GNAQ: variants seen among roughly 807,000 people sequenced by gnomAD.
GNAQ encodes the protein G protein subunit alpha q.
A neutral mutation model predicts 43.9 loss-of-function variants in GNAQ; 8 were observed. That is an observed-to-expected ratio of 0.18 (90% confidence interval 0.11 to 0.33). The LOEUF (loss-of-function observed/expected upper bound fraction) is 0.33, where lower values mean the gene tolerates loss of function less well. GNAQ is among the 10% of genes least tolerant of loss of function. The pLI is 1.00. For synonymous variants in GNAQ, 155 were observed against 170.7 expected, an observed-to-expected ratio of 0.91 and a Z score of 0.71; for missense variants, 158 against 450.8, an observed-to-expected ratio of 0.35 and a Z score of 5.88.
At chr9:77,955,000 C>A (rs765770264) in intron 1 of GNAQ, among the ~76,000 whole-genome samples, 1 of 152,184 alleles carries the variant, frequency 6.6e-6, no homozygotes, top group Non-Finnish European at 1.5e-5. Context: ...TCCTGCATAA[C>A]CACCGAATAG....
chr9:77,852,836 A>C (rs990238946), intron 2 of GNAQ, among the ~76,000 whole-genome samples: 1 of 151,974 alleles, frequency 6.6e-6, no homozygotes, highest in Non-Finnish European at 1.5e-5. Context: ...GAAGGACATT[A>C]CTCCTTCATC....
chr9:77,763,694 G>C (rs2118348396), intron 5 of GNAQ, among the ~76,000 whole-genome samples: 1 of 152,320 alleles, frequency 6.6e-6, no homozygotes, highest in Admixed American at 6.5e-5. Context: ...ATACGACTGA[G>C]CTGTACAAAC....
intron 1 of GNAQ, among the ~76,000 whole-genome samples, chr9:78,028,367 G>A (rs1320727712): frequency 1.3e-5 from 2 of 152,034 alleles, no homozygotes; most frequent in Non-Finnish European, 2.9e-5. Flanking sequence ...CATAGTTGCC[G>A]AATATAAATC....
At chr9:77,972,333 CA>C (rs1823246431) in intron 1 of GNAQ, among the ~76,000 whole-genome samples, 4 of 152,098 alleles carry the variant, frequency 2.6e-5, no homozygotes, top group Admixed American at 2.6e-4. Flanking sequence ...AGGGACACAA[CA>C]GTGAGTAAAA....
intron 3 of GNAQ, among the ~76,000 whole-genome samples, chr9:77,813,617 G>A (rs906138408): frequency 2.0e-5 from 3 of 152,170 alleles, no homozygotes; most frequent in African/African-American, 7.2e-5. Context: ...GTCCAATACA[G>A]GTGTCCTAGG....
chr9:77,890,434 C>T (rs899431716), intron 2 of GNAQ, among the ~76,000 whole-genome samples: 2 of 152,122 alleles, frequency 1.3e-5, no homozygotes, highest in African/African-American at 4.8e-5. Context: ...CATAAAACTG[C>T]ATTGCAAGGC....
chr9:77,767,197 G>C (rs1368259045), intron 5 of GNAQ, among the ~76,000 whole-genome samples: 3 of 152,248 alleles, frequency 2.0e-5, no homozygotes, highest in African/African-American at 7.2e-5. Flanking sequence ...TTCCCCCAAA[G>C]CAGGGTTTTT....
chr9:77,937,753 G>A lies in GNAQ; in HGVS notation c.137-15408C>T, dbSNP rs192020043. Among the ~76,000 whole-genome samples, 940 of 152,162 alleles carry A rather than the reference G, an allele frequency of 6.2e-3. 4 individuals are homozygous for A. The highest frequency in any genetic ancestry group is 0.021 in the African/African-American group (881 of 41,524). ...ACTAAAAATACAAAATCAGCCAGGC[G>A]TGGTGGGGCATGCCTGTAGTCCCAG... On this transcript the variant is annotated intron_variant, in intron 1 of 6. Coordinates refer to ENST00000286548, the MANE Select transcript of GNAQ (RefSeq NM_002072.5).
chr9:77,812,653 T>C lies in GNAQ; in HGVS notation c.476+2963A>G, dbSNP rs141297719. 8.1e-3 allele frequency among the ~76,000 whole-genome samples: 1,233 copies of C among 152,124 alleles called. 16 individuals carry two copies. The highest frequency in any genetic ancestry group is 0.028 in the African/African-American group (1,174 of 41,508). On this transcript the variant is annotated intron_variant, in intron 3 of 6. Transcript: ENST00000286548. The stretch of plus-strand genomic sequence containing the variant: ...CCTCTAGAGGACATTTTGGAAGAAT[T>C]TGGGAAATCTGAATATGAACTGGGT...
intron 2 of GNAQ, among the ~76,000 whole-genome samples, chr9:77,882,407 C>T (rs180835933): frequency 1.6e-3 from 248 of 152,256 alleles, no homozygotes; most frequent in Middle Eastern, 6.8e-3. Flanking sequence ...ACCTTTGACC[C>T]AGCAAATTAC....
intron 1 of GNAQ, among the ~76,000 whole-genome samples, chr9:78,006,192 T>C (rs1823704152): frequency 6.6e-6 from 1 of 152,208 alleles, no homozygotes; most frequent in Non-Finnish European, 1.5e-5. Flanking sequence ...ATGTGAAATA[T>C]ACATGCAATT....
chr9:77,815,541 A>T (rs1826998580), intron 3 of GNAQ, 75 bp downstream of exon 3: 1 of 916,648 alleles, frequency 1.1e-6, no homozygotes, highest in Non-Finnish European at 1.7e-6. Flanking sequence ...CAGAATAAAG[A>T]AGTTATGATA....
intron 5 of GNAQ, among the ~76,000 whole-genome samples, chr9:77,751,678 T>A (rs987670082): frequency 6.6e-6 from 1 of 152,080 alleles, no homozygotes; most frequent in African/African-American, 2.4e-5. Context: ...TGTAACTCAG[T>A]CAACAGCTCT....
chr9:77,888,774 GAGC>G (rs1383301399), intron 2 of GNAQ, among the ~76,000 whole-genome samples: 1 of 152,156 alleles, frequency 6.6e-6, no homozygotes, highest in Non-Finnish European at 1.5e-5. Flanking sequence ...CTGTAAATCA[GAGC>G]AGCAGAATGG....
At chr9:77,781,863 C>A (rs1826398864) in intron 5 of GNAQ, among the ~76,000 whole-genome samples, 2 of 151,994 alleles carry the variant, frequency 1.3e-5, no homozygotes, top group African/African-American at 4.8e-5. Flanking sequence ...AGAGAACTTC[C>A]TCAACTTCAT....
At chr9:77,979,967 AAGAG>A (rs1823349594) in intron 1 of GNAQ, among the ~76,000 whole-genome samples, 1 of 152,248 alleles carries the variant, frequency 6.6e-6, no homozygotes. Flanking sequence ...TAACATCTAG[AAGAG>A]AGAAAGCTGC....
At chr9:77,890,195 ATTGGTTAT>A (rs1174951291) in intron 2 of GNAQ, among the ~76,000 whole-genome samples, 2 of 152,044 alleles carry the variant, frequency 1.3e-5, no homozygotes, top group Non-Finnish European at 2.9e-5. Flanking sequence ...ATATCTTTGT[ATTGGTTAT>A]TTGGGTTGGC....
intron 5 of GNAQ, among the ~76,000 whole-genome samples, chr9:77,735,848 C>T (rs1388954419): frequency 6.6e-6 from 1 of 152,128 alleles, no homozygotes; most frequent in Non-Finnish European, 1.5e-5. Context: ...GGCTCTGTTT[C>T]AAATACTCTC....
chr9:77,973,934 G>A (rs923781922), intron 1 of GNAQ, among the ~76,000 whole-genome samples: 9 of 152,070 alleles, frequency 5.9e-5, no homozygotes, highest in African/African-American at 2.2e-4. Flanking sequence ...ATATAATAAG[G>A]TAAAACTTAA....
Sources: allele counts gnomAD v4.1 joint callset (sites outside exome capture counted in the v4.1 genomes callset), GRCh38; gene constraint gnomAD v4.1.1; transcripts MANE v1.5; gene names NCBI Gene and HGNC (gene_info 2026-07-23, HGNC 2026-07-21).